Variants in NR3C2 observed in about 807,000 individuals in gnomAD.
NR3C2 encodes the protein nuclear receptor subfamily 3 group C member 2, also known as mineralocorticoid receptor.
Under a neutral mutation model 86.4 loss-of-function variants are expected in NR3C2, and 15 were observed. The ratio of observed to expected loss-of-function variants is 0.17; its 90% CI spans 0.12 to 0.27. NR3C2 has a LOEUF of 0.27. Among genes scored for constraint, NR3C2 ranks in the 10% least tolerant of loss-of-function variants. The pLI is 1.00. For synonymous variants in NR3C2, 458 were observed against 450.5 expected (o/e 1.02, Z -0.21); for missense variants, 960 against 1,195.6 (o/e 0.80, Z 2.91).
intron 2 of NR3C2, among the ~76,000 whole-genome samples, chr4:148,395,469 G>C (rs1391863969): frequency 2.0e-5 from 3 of 152,152 alleles, no homozygotes; most frequent in Non-Finnish European, 4.4e-5. Context: ...TACCACAAGG[G>C]TTATCCTAAC....
chr4:148,320,541 C>A (rs1374969829), intron 2 of NR3C2, among the ~76,000 whole-genome samples: 15 of 142,988 alleles, frequency 1.0e-4, no homozygotes, highest in Admixed American at 4.9e-4. Flanking sequence ...TTGATTATTG[C>A]CACAATTTCA....
chr4:148,392,253 C>G (rs2126496516), intron 2 of NR3C2, among the ~76,000 whole-genome samples: 1 of 152,270 alleles, frequency 6.6e-6, no homozygotes, highest in East Asian at 1.9e-4. Context: ...CTAAAGAAAC[C>G]ATTTAACAAT....
intron 8 of NR3C2, among the ~76,000 whole-genome samples, chr4:148,085,316 A>G (rs1035187516): frequency 7.2e-5 from 11 of 152,254 alleles, no homozygotes; most frequent in Non-Finnish European, 1.2e-4. Context: ...GTGCCATCGA[A>G]TTAGAACTCA....
At position 148,142,287 on chromosome 4, in the gene NR3C2, C is replaced by T. The variant is rs140955241; in HGVS notation, c.2510+10182G>A. On this transcript the variant is annotated intron_variant, in intron 6 of 8. Coordinates refer to ENST00000358102, the MANE Select transcript of NR3C2 (RefSeq NM_000901.5). ...GCGCCCACACTAATGCGGGCAGGAG[C>T]GTTACTAGGGAGAAAACAGAGATGT... Among the ~76,000 whole-genome samples, 193 of 152,206 alleles carry T rather than the reference C, an allele frequency of 1.3e-3. 3 individuals are homozygous for T. The highest frequency in any genetic ancestry group is 0.011 in the Admixed American group (162 of 15,294).
intron 8 of NR3C2, among the ~76,000 whole-genome samples, chr4:148,082,751 C>T (rs992677883): frequency 6.6e-6 from 1 of 151,154 alleles, no homozygotes; most frequent in Non-Finnish European, 1.5e-5. Context: ...GGGGCCGAAG[C>T]CAAGGAGCCA....
At chr4:148,412,205 T>C (rs72953945) in intron 2 of NR3C2, among the ~76,000 whole-genome samples, 10,311 of 152,126 alleles carry the variant, frequency 0.068, 1,138 homozygotes, top group African/African-American at 0.23. Context: ...GCACTGACCA[T>C]TGCTGCACAC....
At chr4:148,389,823 T>G (rs1370089810) in intron 2 of NR3C2, among the ~76,000 whole-genome samples, 32 of 151,984 alleles carry the variant, frequency 2.1e-4, no homozygotes, top group Admixed American at 2.1e-3. Flanking sequence ...AACAGAGCAT[T>G]AAGGACAAAA....
intron 1 of NR3C2, among the ~76,000 whole-genome samples, chr4:148,439,500 T>C (rs898300743): frequency 6.6e-6 from 1 of 152,158 alleles, no homozygotes; most frequent in Non-Finnish European, 1.5e-5. Flanking sequence ...TGGCACACTC[T>C]GCGTCACTCA....
chr4:148,340,515 C>A (rs1579180548), intron 2 of NR3C2, among the ~76,000 whole-genome samples: 1 of 152,060 alleles, frequency 6.6e-6, no homozygotes, highest in East Asian at 1.9e-4. Context: ...AATCTAAGAC[C>A]TGAAACTATA....
At chr4:148,125,871 G>A (rs1185679869) in intron 6 of NR3C2, among the ~76,000 whole-genome samples, 2 of 152,132 alleles carry the variant, frequency 1.3e-5, no homozygotes, top group African/African-American at 2.4e-5. Flanking sequence ...GGAAAATACT[G>A]GCAATTTATA....
At chr4:148,355,978 A>T (rs1372264158) in intron 2 of NR3C2, among the ~76,000 whole-genome samples, 1 of 152,118 alleles carries the variant, frequency 6.6e-6, no homozygotes, top group Non-Finnish European at 1.5e-5. Flanking sequence ...GTGAGTATTA[A>T]ATCAGTCATG....
intron 8 of NR3C2, among the ~76,000 whole-genome samples, chr4:148,082,694 G>A (rs1349531945): frequency 8.3e-6 from 1 of 119,874 alleles, no homozygotes; most frequent in African/African-American, 2.8e-5. Flanking sequence ...ATACCCCAGT[G>A]GCATCTGGAA....
intron 4 of NR3C2, among the ~76,000 whole-genome samples, chr4:148,173,539 T>G (rs1217476994): frequency 6.6e-6 from 1 of 152,212 alleles, no homozygotes; most frequent in Non-Finnish European, 1.5e-5. Context: ...GTGAATTCTC[T>G]CATAGAGCCT....
chr4:148,095,006 G>A (rs951999073), intron 8 of NR3C2, among the ~76,000 whole-genome samples: 6 of 152,096 alleles, frequency 3.9e-5, no homozygotes, highest in East Asian at 1.9e-4. Flanking sequence ...CAAATTCATA[G>A]AAACAAAGCA....
chr4:148,361,986 C>A (rs1424478250), intron 2 of NR3C2, among the ~76,000 whole-genome samples: 1 of 152,116 alleles, frequency 6.6e-6, no homozygotes, highest in Non-Finnish European at 1.5e-5. Flanking sequence ...CACAGGTGCA[C>A]ACCACCATGC....
At chr4:148,273,517 G>A (rs1052927359) in intron 2 of NR3C2, among the ~76,000 whole-genome samples, 1 of 152,104 alleles carries the variant, frequency 6.6e-6, no homozygotes, top group African/African-American at 2.4e-5. Flanking sequence ...CAGATGGCAT[G>A]TTGGGTTTTT....
At chr4:148,238,648 C>T (rs1425538002) in intron 3 of NR3C2, among the ~76,000 whole-genome samples, 3 of 152,052 alleles carry the variant, frequency 2.0e-5, no homozygotes, top group Admixed American at 6.6e-5. Context: ...CCAGCATCTA[C>T]CTATGACTTT....
intron 2 of NR3C2, among the ~76,000 whole-genome samples, chr4:148,301,849 A>T (rs1046774780): frequency 9.2e-5 from 14 of 152,316 alleles, no homozygotes; most frequent in African/African-American, 2.6e-4. Context: ...AAACAGGGTT[A>T]CCTCACATGT....
chr4:148,319,780 G>C (rs1021734507), intron 2 of NR3C2, among the ~76,000 whole-genome samples: 7 of 150,546 alleles, frequency 4.6e-5, no homozygotes, highest in African/African-American at 1.5e-4. Context: ...ATTTTGGGTT[G>C]AGACAATGGG....
Sources: gnomAD v4.1 joint callset for allele counts (sites outside exome capture counted in the v4.1 genomes callset) on GRCh38, gnomAD v4.1.1 for gene constraint, MANE v1.5 for transcripts, NCBI Gene and HGNC (gene_info 2026-07-23, HGNC 2026-07-21) for gene names.